Variants in ANXA9 observed in about 807,000 individuals in gnomAD.
ANXA9 encodes the protein annexin 31.
ANXA9 carries 47 observed loss-of-function variants against 51.8 expected under a neutral mutation model. That is an observed-to-expected ratio of 0.91 (90% CI 0.72 to 1.16). The LOEUF (loss-of-function observed/expected upper bound fraction) is 1.16. Ranked by LOEUF, ANXA9 falls within the 50% of genes most tolerant of loss-of-function variation. The pLI is 0.00. For synonymous variants in ANXA9, 154 were observed against 168.7 expected (o/e 0.91, Z 0.68); for missense variants, 361 against 424.7 (o/e 0.85, Z 1.32).
chr1:150,993,909 C>T (rs1295078850), intron 12 of ANXA9, among the ~76,000 whole-genome samples: 2 of 152,186 alleles, frequency 1.3e-5, no homozygotes, highest in Non-Finnish European at 2.9e-5. Context: ...GCTGGGATTA[C>T]AGGCATGAGC....
chr1:150,984,278 T>C lies in ANXA9; in HGVS notation c.268-3T>C. 3 of 1,613,622 alleles carry C rather than the reference T, an allele frequency of 1.9e-6. No homozygotes were observed. The highest frequency in any genetic ancestry group is 2.5e-6 in the Non-Finnish European group (3 of 1,179,510). On this transcript the variant is annotated splice_polypyrimidine_tract_variant and splice_region_variant and intron_variant, in intron 5 of 13. Transcript: ENST00000368947. ...CCTCTGCTGTGAGGACCATTTATTGTAGGACCTGATGAAGTCTCTACAGGC... is the reference window on the plus strand; with the variant it reads ...CCTCTGCTGTGAGGACCATTTATTGCAGGACCTGATGAAGTCTCTACAGGC...
At chr1:150,995,046 C>T (rs893608678) in intron 13 of ANXA9, among the ~76,000 whole-genome samples, 2 of 152,208 alleles carry the variant, frequency 1.3e-5, no homozygotes, top group Admixed American at 6.5e-5. Flanking sequence ...GAGCCAAGAT[C>T]GTGCCACTGC....
intron 12 of ANXA9, 90 bp downstream of exon 12, chr1:150,988,431 A>G: frequency 4.1e-6 from 6 of 1,477,934 alleles, no homozygotes; most frequent in Non-Finnish European, 5.6e-6. Flanking sequence ...CATCCTATAT[A>G]CACCGTCTAA....
chr1:150,988,463 C>CTGGTGTGTAAGCCCTGGGA, intron 12 of ANXA9, 122 bp downstream of exon 12: 1 of 1,202,346 alleles, frequency 8.3e-7, no homozygotes, highest in Non-Finnish European at 1.2e-6. Context: ...CTCTCCTTCC[C>CTGGTGTGTAAGCCCTGGGA]AGGGCTTACA....
intron 7 of ANXA9, 118 bp downstream of exon 7, chr1:150,984,794 C>A: frequency 2.6e-6 from 2 of 762,086 alleles, no homozygotes; most frequent in Non-Finnish European, 4.2e-6. Flanking sequence ...AAGTTCTATT[C>A]CCTTGGGGTC....
intron 12 of ANXA9, among the ~76,000 whole-genome samples, chr1:150,989,231 G>A (rs587720963): frequency 5.3e-5 from 8 of 151,680 alleles, no homozygotes; most frequent in South Asian, 2.1e-4. Context: ...AACCTGTCTC[G>A]GCCTCCCGAA....
chr1:150,988,161 T>G lies in ANXA9; in HGVS notation c.768T>G (p.Asp256Glu). ...EEAVQNRFHG[D>E]AQVALLGLAS... Reference sequence around the variant, plus strand: ...CTGTCCAGAACCGTTTCCATGGAGATGCTCAGGTGGCTCTGCTCGGCCTAG... The same window carrying G: ...CTGTCCAGAACCGTTTCCATGGAGAGGCTCAGGTGGCTCTGCTCGGCCTAG... Residue 256 changes from aspartate (D) to glutamate (E), a missense_variant, in exon 11 of 14, where the codon GAT (aspartate) becomes GAG (glutamate). Coordinates refer to ENST00000368947, the MANE Select transcript of ANXA9 (RefSeq NM_003568.3). 1 of 1,614,220 alleles carries G rather than the reference T, an allele frequency of 6.2e-7. No homozygotes were observed. The highest frequency in any genetic ancestry group is 8.5e-7 in the Non-Finnish European group (1 of 1,180,038).
chr1:150,979,715 G>T (rs1024080929), upstream of ANXA9, among the ~76,000 whole-genome samples: 2 of 152,194 alleles, frequency 1.3e-5, no homozygotes, highest in African/African-American at 4.8e-5. Context: ...AAAAGTTTCA[G>T]AAGCGAGCCA....
chr1:150,982,090 G>C (rs1469151373), upstream of ANXA9: 2 of 152,522 alleles, frequency 1.3e-5, no homozygotes, highest in East Asian at 3.8e-4. Context: ...CTGAGAGGCT[G>C]AGTGGAGTTC....
At chr1:150,984,153 G>T in intron 5 of ANXA9, 84 bp downstream of exon 5, 1 of 1,534,960 alleles carries the variant, frequency 6.5e-7, no homozygotes, top group South Asian at 1.1e-5. Flanking sequence ...AGCCGCTGAG[G>T]CCAGCCCCTG....
chr1:150,984,798 TG>T, intron 7 of ANXA9, 122 bp downstream of exon 7: 1 of 748,012 alleles, frequency 1.3e-6, no homozygotes, highest in South Asian at 1.8e-5. Flanking sequence ...TCTATTCCCT[TG>T]GGGTCTTTCC....
upstream of ANXA9, among the ~76,000 whole-genome samples, chr1:150,977,696 G>C (rs1671360143): frequency 6.6e-6 from 1 of 152,250 alleles, no homozygotes; most frequent in African/African-American, 2.4e-5. Flanking sequence ...AAGCCTATTT[G>C]GGTAAGAAGC....
intron 4 of ANXA9, among the ~76,000 whole-genome samples, 181 bp from the exon 5 acceptor site, chr1:150,983,794 T>G (rs1396108870): frequency 6.6e-6 from 1 of 152,160 alleles, no homozygotes; most frequent in African/African-American, 2.4e-5. Flanking sequence ...TGGGTCAGAT[T>G]TGCATGCTGT....
chr1:150,989,462 G>A (rs1671647240), intron 12 of ANXA9, among the ~76,000 whole-genome samples: 1 of 151,996 alleles, frequency 6.6e-6, no homozygotes, highest in African/African-American at 2.4e-5. Flanking sequence ...AGGCCAAGGT[G>A]GATGGATCAC....
At chr1:150,979,312 G>T (rs918429836), upstream of ANXA9, among the ~76,000 whole-genome samples, 2 of 151,924 alleles carry the variant, frequency 1.3e-5, no homozygotes. Flanking sequence ...GAGGCCTCAC[G>T]CTTCCTTCGG....
Position 150,983,420 on chromosome 1 carries a change from C to A in ANXA9, c.158C>A (p.Ala53Asp). Reference protein sequence around the residue: ...VDKDAQRLLRAITGQGVDRSA... With the variant: ...VDKDAQRLLRDITGQGVDRSA... ...AAGGATGCGCAGAGGCTACTGAGGG[C>A]CATTACTGGCCAAGGTGAGCCCCTT... Residue 53 changes from alanine to aspartate, a missense_variant, in exon 4 of 14, where the codon GCC becomes GAC. By Grantham distance (126) the Ala-to-Asp change is moderately radical. Coordinates refer to ENST00000368947, the MANE Select transcript of ANXA9 (RefSeq NM_003568.3). 1 of 1,611,346 alleles carries A rather than the reference C, an allele frequency of 6.2e-7. No individual in the cohort carries two copies. Among genetic ancestry groups the A allele is most frequent in the Non-Finnish European group, 8.5e-7 (1 of 1,178,782 alleles).
At chr1:150,994,303 G>A (rs888169024) in intron 12 of ANXA9, among the ~76,000 whole-genome samples, 2 of 152,056 alleles carry the variant, frequency 1.3e-5, no homozygotes, top group Non-Finnish European at 2.9e-5. Flanking sequence ...AATTCTGGAG[G>A]TACACAGCTC....
At chr1:150,984,786 G>A (rs1671507804) in intron 7 of ANXA9, 110 bp downstream of exon 7, 2 of 865,534 alleles carry the variant, frequency 2.3e-6, no homozygotes, top group Non-Finnish European at 3.6e-6. Flanking sequence ...GGCTGCCTAA[G>A]TTCTATTCCC....
chr1:150,988,112 G>C lies in ANXA9; in HGVS notation c.719G>C (p.Ser240Thr), dbSNP rs755223923. The C allele has an allele frequency of 6.2e-7, 1 of 1,614,218 alleles. No homozygotes were observed. The highest frequency in any genetic ancestry group is 1.1e-5 in the South Asian group (1 of 91,084). Residue 240 changes from serine to threonine, a missense_variant, in exon 11 of 14, where the codon AGC becomes ACC. By Grantham distance (58) the Ser-to-Thr change is moderately conservative. Transcript: ENST00000368947. ...LIRVFDQYQR[S>T]TGQELEEAVQ... Reference sequence around the variant, plus strand: ...CAAGTGTTTGATCAGTACCAGCGGAGCACTGGGCAAGAGCTGGAGGAGGCT... The same window carrying C: ...CAAGTGTTTGATCAGTACCAGCGGACCACTGGGCAAGAGCTGGAGGAGGCT...
Sources: gnomAD v4.1 joint callset for allele counts (sites outside exome capture counted in the v4.1 genomes callset) on GRCh38, gnomAD v4.1.1 for gene constraint, MANE v1.5 for transcripts, NCBI Gene and HGNC (gene_info 2026-07-23, HGNC 2026-07-21) for gene names.